The following NSMCE2 variants were observed in gnomAD, a reference collection of about 807,000 sequenced individuals.
The protein encoded by NSMCE2 is E3 SUMO-protein ligase NSE2.
Under a neutral mutation model 23.8 loss-of-function variants are expected in NSMCE2, and 24 were observed. That is an observed-to-expected ratio of 1.01 (90% CI 0.73 to 1.42). The LOEUF is 1.42. Among genes scored for constraint, NSMCE2 ranks in the 40% most tolerant of loss-of-function variants. NSMCE2 has a pLI of 0.00. For synonymous variants in NSMCE2, 92 were observed against 94.1 expected (o/e 0.98, Z 0.13); for missense variants, 284 against 296.5 (o/e 0.96, Z 0.31).
intron 5 of NSMCE2, among the ~76,000 whole-genome samples, chr8:125,331,031 G>A (rs1829855208): frequency 6.6e-6 from 1 of 152,226 alleles, no homozygotes; most frequent in African/African-American, 2.4e-5. Flanking sequence ...ACTGGGCGCG[G>A]TGGCTCACAC....
At chr8:125,147,351 G>T (rs1011858297) in intron 3 of NSMCE2, among the ~76,000 whole-genome samples, 1 of 152,152 alleles carries the variant, frequency 6.6e-6, no homozygotes, top group African/African-American at 2.4e-5. Context: ...GGCCTTAGAA[G>T]AATATTGAAG....
intron 5 of NSMCE2, among the ~76,000 whole-genome samples, chr8:125,189,169 C>A (rs1823236912): frequency 6.6e-6 from 1 of 152,214 alleles, no homozygotes; most frequent in South Asian, 2.1e-4. Context: ...CAAAGGACCT[C>A]TCAGCAAGGC....
At chr8:125,195,956 G>A (rs1395551153) in intron 5 of NSMCE2, among the ~76,000 whole-genome samples, 2 of 138,732 alleles carry the variant, frequency 1.4e-5, no homozygotes, top group Admixed American at 7.9e-5. Flanking sequence ...GTGTGATCTC[G>A]GCTCACTGCA....
At chr8:125,125,211 A>G (rs1365625059) in intron 3 of NSMCE2, among the ~76,000 whole-genome samples, 2 of 152,058 alleles carry the variant, frequency 1.3e-5, no homozygotes, top group Non-Finnish European at 2.9e-5. Context: ...CTGCAGTACA[A>G]TGTTGAGTAA....
At chr8:125,222,285 G>A (rs1011813781) in intron 5 of NSMCE2, among the ~76,000 whole-genome samples, 3 of 152,020 alleles carry the variant, frequency 2.0e-5, no homozygotes, top group Admixed American at 6.6e-5. Flanking sequence ...GGAATACAGC[G>A]TGTTTTGATA....
At chr8:125,110,870 T>C (rs1818710500) in intron 3 of NSMCE2, among the ~76,000 whole-genome samples, 1 of 149,414 alleles carries the variant, frequency 6.7e-6, no homozygotes, top group Non-Finnish European at 1.5e-5. Context: ...ATGGAGGTCA[T>C]GTATGGTCAT....
intron 3 of NSMCE2, among the ~76,000 whole-genome samples, chr8:125,114,578 G>A (rs1818906660): frequency 6.6e-6 from 1 of 152,188 alleles, no homozygotes; most frequent in Non-Finnish European, 1.5e-5. Context: ...CTTTGGCAGT[G>A]TCTGGAGACA....
intron 3 of NSMCE2, among the ~76,000 whole-genome samples, chr8:125,110,770 T>G (rs1172850573): frequency 2.0e-5 from 3 of 149,628 alleles, no homozygotes; most frequent in Non-Finnish European, 3.0e-5. Flanking sequence ...TTGTTTTTTT[T>G]TTTTTTTTTT....
intron 5 of NSMCE2, among the ~76,000 whole-genome samples, chr8:125,260,256 T>C (rs563060430): frequency 6.6e-6 from 1 of 152,284 alleles, no homozygotes; most frequent in Non-Finnish European, 1.5e-5. Context: ...AGAATCTAGT[T>C]CCTTAGGCTA....
rs367825184 is a variant in NSMCE2 at position 125,334,149 on chromosome 8, G to C, written c.419-23070G>C. Reference sequence around the variant, plus strand: ...AGTTAAAGGGTGTTCAGTTCACTTTGTCCTTTACTCAGAGTCTGTTCTTTA... The same window carrying C: ...AGTTAAAGGGTGTTCAGTTCACTTTCTCCTTTACTCAGAGTCTGTTCTTTA... On this transcript the variant is annotated intron_variant, in intron 5 of 7. Coordinates refer to ENST00000287437, the MANE Select transcript of NSMCE2 (RefSeq NM_173685.4). 3.3e-5 allele frequency among the ~76,000 whole-genome samples: 5 copies of C among 152,254 alleles called. No homozygotes were observed. In the East Asian group the frequency reaches 9.7e-4, roughly 29 times the overall value.
At chr8:125,182,697 C>T in intron 5 of NSMCE2, 1 of 183,862 alleles carries the variant, frequency 5.4e-6, no homozygotes, top group Non-Finnish European at 1.1e-5. Flanking sequence ...TTTATCTTCT[C>T]AACTATAGAC....
Position 125,237,529 on chromosome 8 carries a change from G to A in NSMCE2, c.418+55273G>A, listed in dbSNP as rs138957481. On this transcript the variant is annotated intron_variant, in intron 5 of 7. Transcript: ENST00000287437. The stretch of plus-strand genomic sequence containing the variant: ...TCCTACATAATTAACTCCACTTGCT[G>A]TGCTTCCACACACACCAAGCTTCCC... Among the ~76,000 whole-genome samples, 195 of 152,322 alleles carry A rather than the reference G, an allele frequency of 1.3e-3. 1 individual carries two copies. Among genetic ancestry groups the A allele is most frequent in the Admixed American group, 3.5e-3 (53 of 15,296 alleles).
chr8:125,367,053 C>A lies in NSMCE2; in HGVS notation c.*168C>A. 1.8e-6 allele frequency: 1 copy of A among 568,776 alleles called. No individual in the cohort carries two copies. The highest frequency in any genetic ancestry group is 2.8e-5 in the East Asian group (1 of 35,436). 35.2% of individuals were successfully genotyped at this position (568,776 alleles called of 1,614,324 possible). A position where few individuals can be genotyped will look rare whatever the true frequency, so the allele number is the denominator to read the frequency against. On this transcript the variant is annotated 3_prime_UTR_variant, in exon 8 of 8. Coordinates refer to ENST00000287437, the MANE Select transcript of NSMCE2 (RefSeq NM_173685.4). ...GAAAACATTTTTCAAAGTTACACAA[C>A]AGAAATGCAATCATATTGTTTATTT... is the stretch of plus-strand genomic sequence containing the variant.
intron 5 of NSMCE2, among the ~76,000 whole-genome samples, chr8:125,342,060 G>C (rs1473163833): frequency 6.6e-6 from 1 of 152,202 alleles, no homozygotes; most frequent in Non-Finnish European, 1.5e-5. Context: ...ACCCCTGAGT[G>C]AGAAGTTTTC....
At chr8:125,286,732 A>ATC (rs1402213693) in intron 5 of NSMCE2, among the ~76,000 whole-genome samples, 1 of 149,906 alleles carries the variant, frequency 6.7e-6, no homozygotes, top group East Asian at 2.0e-4. Flanking sequence ...TGTTTATAGC[A>ATC]TCTCTTCTCC....
At chr8:125,099,330 C>T (rs1372565469) in intron 1 of NSMCE2, among the ~76,000 whole-genome samples, 2 of 151,964 alleles carry the variant, frequency 1.3e-5, no homozygotes, top group East Asian at 3.9e-4. Context: ...TGAGGTGATA[C>T]TCAAAGGGAG....
At chr8:125,108,681 TAGA>T (rs2130408572) in intron 3 of NSMCE2, among the ~76,000 whole-genome samples, 1 of 152,296 alleles carries the variant, frequency 6.6e-6, no homozygotes, top group South Asian at 2.1e-4. Flanking sequence ...GGTCAGAACT[TAGA>T]AGAAGGGCCT....
chr8:125,289,007 GTCTCAAAC>G (rs897410517), intron 5 of NSMCE2, among the ~76,000 whole-genome samples: 8 of 151,968 alleles, frequency 5.3e-5, no homozygotes, highest in African/African-American at 1.9e-4. Context: ...GACCAGGCTG[GTCTCAAAC>G]TCCTGAGCTC....
chr8:125,330,869 C>T (rs1424042398), intron 5 of NSMCE2, among the ~76,000 whole-genome samples: 2 of 152,188 alleles, frequency 1.3e-5, no homozygotes, highest in Non-Finnish European at 2.9e-5. Flanking sequence ...TAGGTGACCA[C>T]AGCTCCTTTC....
Sources: allele counts gnomAD v4.1 joint callset (sites outside exome capture counted in the v4.1 genomes callset), GRCh38; gene constraint gnomAD v4.1.1; transcripts MANE v1.5; gene names NCBI Gene and HGNC (gene_info 2026-07-23, HGNC 2026-07-21).